Variants in GALNT2 observed in about 807,000 individuals in gnomAD.
GALNT2 encodes UDP-GalNAc:polypeptide N-acetylgalactosaminyltransferase 2.
In GALNT2, 31 loss-of-function variants were observed where a neutral mutation model predicts 81.4. The observed-to-expected ratio is 0.38, with a 90% CI of 0.29 to 0.51. The LOEUF is 0.51. GALNT2 is among the 20% of genes least tolerant of loss of function. The pLI, the probability that GALNT2 is intolerant of heterozygous loss-of-function variation, is 0.87. For missense variants in GALNT2, 629 were observed against 765.7 expected (o/e 0.82, Z 2.11); for synonymous variants, 303 against 287.4 (o/e 1.05, Z -0.55).
intron 2 of GALNT2, among the ~76,000 whole-genome samples, chr1:230,189,473 C>G (rs1205850699): frequency 6.6e-6 from 1 of 152,178 alleles, no homozygotes; most frequent in East Asian, 1.9e-4. Flanking sequence ...GCCACTGATC[C>G]TAACAGAGAC....
In GALNT2 at chr1:230,271,731, G is replaced by A. The variant is rs1023216364; in HGVS notation, c.1441-2714G>A. 2.6e-5 allele frequency among the ~76,000 whole-genome samples: 4 copies of A among 152,252 alleles called. No homozygotes were observed. Among genetic ancestry groups the A allele is most frequent in the African/African-American group, 7.2e-5 (3 of 41,462 alleles). ...GGACGGGAGAGATGCATAGCACGCG[G>A]TGTGGAGGTGGGGTGTTGGAGCTTC... On this transcript the variant is annotated intron_variant, in intron 14 of 15. Transcript: ENST00000366672. The surrounding 1 kb of genome is among the most constrained non-coding windows in gnomAD (Gnocchi z 4.2).
chr1:230,190,794 A>G (rs1290211593), intron 2 of GALNT2, among the ~76,000 whole-genome samples: 7 of 152,102 alleles, frequency 4.6e-5, no homozygotes, highest in African/African-American at 1.2e-4. Flanking sequence ...AACATCTCCT[A>G]TAGCATTTTA....
rs928120353 is a variant in GALNT2, at chr1:230,203,380, A to T, written c.374+90A>T. On this transcript the variant is annotated intron_variant, in intron 3 of 15. Coordinates refer to ENST00000366672, the MANE Select transcript of GALNT2 (RefSeq NM_004481.5). ...TCACCTGTGACACTAGAACTTCTCC[A>T]TTACTCTGGGAAATTGAATGTGTGT... 30 of 1,418,104 alleles carry T rather than the reference A, an allele frequency of 2.1e-5. 1 individual carries two copies. In the South Asian group the frequency reaches 3.8e-4, roughly 18 times the overall value. 87.8% of individuals were successfully genotyped at this position (1,418,104 alleles called of 1,614,324 possible).
intron 2 of GALNT2, among the ~76,000 whole-genome samples, chr1:230,195,595 TCAG>T (rs1402479236): frequency 6.6e-6 from 1 of 152,122 alleles, no homozygotes; most frequent in Non-Finnish European, 1.5e-5. Flanking sequence ...ATGCACAGCA[TCAG>T]CGGTGCGGGC....
At chr1:230,249,043 C>A in intron 8 of GALNT2, 141 bp from the exon 9 acceptor site, 6 of 782,348 alleles carry the variant, frequency 7.7e-6, no homozygotes, top group Non-Finnish European at 1.3e-5. Flanking sequence ...CTCTCTCCTC[C>A]ACACCTTCTT....
At position 230,134,109 on chromosome 1, in the gene GALNT2, T is replaced by C. The variant is rs143430628; in HGVS notation, c.127-44109T>C. Among the ~76,000 whole-genome samples the C allele has an allele frequency of 2.4e-3, 353 of 144,288 alleles. 1 individual carries two copies. Among genetic ancestry groups the C allele is most frequent in the African/African-American group, 8.8e-3 (347 of 39,254 alleles). The allele number at this position is 144,288 out of a possible 152,430, so 94.7% of individuals were successfully genotyped here. A position where few individuals can be genotyped will look rare whatever the true frequency, so the allele number is the denominator to read the frequency against. On this transcript the variant is annotated intron_variant, in intron 1 of 15. Coordinates refer to ENST00000366672, the MANE Select transcript of GALNT2 (RefSeq NM_004481.5). ...ATATTTAACTCTTCATCCACCTGAA[T>C]CTGTTTTTTTTTTTTTTTTTGGCAG...
chr1:230,241,739 G>A (rs118162296), intron 6 of GALNT2, among the ~76,000 whole-genome samples: 16,955 of 152,154 alleles, frequency 0.11, 1,204 homozygotes, highest in Non-Finnish European at 0.15. Flanking sequence ...GAGCCACCAC[G>A]CCCGGCCATG....
chr1:230,269,305 C>A (rs930608181), intron 14 of GALNT2, among the ~76,000 whole-genome samples: 3 of 151,804 alleles, frequency 2.0e-5, no homozygotes, highest in Non-Finnish European at 4.4e-5. Context: ...CCTGCCTCAG[C>A]CTCTCAAGTA....
At chr1:230,067,481 C>G in intron 1 of GALNT2, 75 bp downstream of exon 1, 1 of 510,770 alleles carries the variant, frequency 2.0e-6, no homozygotes, top group Non-Finnish European at 2.8e-6. Context: ...CTGCCCTCTC[C>G]GCGCCGCCCC....
At chr1:230,274,388 C>T in intron 14 of GALNT2, 57 bp from the exon 15 acceptor site, 1 of 1,588,954 alleles carries the variant, frequency 6.3e-7, no homozygotes, top group Non-Finnish European at 8.6e-7. Context: ...GATGCCCCTT[C>T]TTTCCTTTCA....
In GALNT2 at chr1:230,214,287, T is replaced by A. The variant is rs141247947; in HGVS notation, c.374+10997T>A. ...ACCACCATACCTGGCCAATTTTGTA[T>A]TTTTAGTAGAGACTAGGCTTCACCA... On this transcript the variant is annotated intron_variant, in intron 3 of 15. Transcript: ENST00000366672. Among the ~76,000 whole-genome samples, 585 of 152,220 alleles carry A rather than the reference T, an allele frequency of 3.8e-3. 7 individuals are homozygous for A. Among genetic ancestry groups the A allele is most frequent in the African/African-American group, 0.014 (566 of 41,536 alleles).
chr1:230,237,077 G>A (rs1665054707), intron 6 of GALNT2, among the ~76,000 whole-genome samples: 1 of 152,210 alleles, frequency 6.6e-6, no homozygotes, highest in South Asian at 2.1e-4. Context: ...CCATGCTCCA[G>A]GCATCTGATA....
At chr1:230,214,971 A>C (rs1340814454) in intron 3 of GALNT2, among the ~76,000 whole-genome samples, 1 of 152,172 alleles carries the variant, frequency 6.6e-6, no homozygotes, top group Non-Finnish European at 1.5e-5. Context: ...ATAAATACCG[A>C]GATATTTCAG....
intron 3 of GALNT2, among the ~76,000 whole-genome samples, chr1:230,231,106 T>C (rs1664853854): frequency 6.6e-6 from 1 of 152,332 alleles, no homozygotes; most frequent in South Asian, 2.1e-4. Flanking sequence ...ACTTGGAAGA[T>C]GTCTCAGAGC....
At chr1:230,072,628 C>G (rs1659409907) in intron 1 of GALNT2, among the ~76,000 whole-genome samples, 1 of 152,210 alleles carries the variant, frequency 6.6e-6, no homozygotes, top group African/African-American at 2.4e-5. Context: ...CTGAGCCGTA[C>G]AAGTCAGTGG....
intron 1 of GALNT2, among the ~76,000 whole-genome samples, chr1:230,112,492 A>T (rs1403892782): frequency 1.3e-5 from 2 of 152,048 alleles, no homozygotes; most frequent in South Asian, 2.1e-4. Context: ...ACAGAGATGC[A>T]CACAGCTGGT....
In GALNT2 at chr1:230,133,628, TGTTTTTGGTAGAGATGAG is replaced by T. The variant is rs1236809692; in HGVS notation, c.127-44585_127-44568del. Among the ~76,000 whole-genome samples, 11 of 152,176 alleles carry T rather than the reference TGTTTTTGGTAGAGATGAG, an allele frequency of 7.2e-5. No individual in the cohort carries two copies. The East Asian group carries it at 1.7e-3, about 24-fold the overall frequency. On this transcript the variant is annotated intron_variant, in intron 1 of 15. Transcript: ENST00000366672. ...GCCACCGCGCCCAGCTAATTTTTTG[TGTTTTTGGTAGAGATGAG>T]GTTTCTCCATGTTGGCCAGGCTGGT...
At chr1:230,217,302 T>C (rs1452692936) in intron 3 of GALNT2, among the ~76,000 whole-genome samples, 3 of 152,086 alleles carry the variant, frequency 2.0e-5, no homozygotes, top group African/African-American at 7.2e-5. Context: ...GGCAAAGACC[T>C]GAGGGAAGGG....
At chr1:230,229,608 G>A (rs1221671465) in intron 3 of GALNT2, among the ~76,000 whole-genome samples, 2 of 152,206 alleles carry the variant, frequency 1.3e-5, no homozygotes, top group African/African-American at 2.4e-5. Flanking sequence ...TCTCTGCTGT[G>A]TAAAAAGACA....
Sources: allele counts gnomAD v4.1 joint callset (sites outside exome capture counted in the v4.1 genomes callset), GRCh38; gene constraint gnomAD v4.1.1; non-coding constraint Gnocchi (gnomAD v3.1); transcripts MANE v1.5; gene names NCBI Gene and HGNC (gene_info 2026-07-23, HGNC 2026-07-21).